HECW1: variants seen among roughly 807,000 people sequenced by gnomAD.
The protein encoded by HECW1 is E3 ubiquitin-protein ligase HECW1.
Under a neutral mutation model 182.3 loss-of-function variants are expected in HECW1, and 61 were observed. The observed-to-expected ratio is 0.33, with a 90% CI of 0.27 to 0.41. The LOEUF is 0.41. HECW1 is among the 10% of genes least tolerant of loss of function. The probability of loss-of-function intolerance (pLI) is 1.00; values close to 1 mark genes in which losing one functional copy is unlikely to be tolerated. For synonymous variants in HECW1, 859 were observed against 832.6 expected (o/e 1.03, Z -0.55); for missense variants, 1,739 against 2,108.9 (o/e 0.82, Z 3.44).
chr7:43,314,294 G>A (rs1295573599), intron 4 of HECW1, among the ~76,000 whole-genome samples: 2 of 152,232 alleles, frequency 1.3e-5, no homozygotes, highest in African/African-American at 2.4e-5. Flanking sequence ...GTGAATGAAT[G>A]AATGGTTCTG....
intron 3 of HECW1, among the ~76,000 whole-genome samples, chr7:43,267,097 AG>A (rs1351537652): frequency 6.6e-6 from 1 of 152,212 alleles, no homozygotes; most frequent in African/African-American, 2.4e-5. Flanking sequence ...CACATAAAAA[AG>A]ATAAATAATA....
At chr7:43,400,412 A>G (rs1350637146) in intron 7 of HECW1, among the ~76,000 whole-genome samples, 1 of 152,216 alleles carries the variant, frequency 6.6e-6, no homozygotes, top group Non-Finnish European at 1.5e-5. Flanking sequence ...CTAAAGATGG[A>G]CAAACGCCGG....
chr7:43,167,674 G>A (rs774466652), intron 2 of HECW1, among the ~76,000 whole-genome samples: 13 of 152,282 alleles, frequency 8.5e-5, no homozygotes, highest in South Asian at 2.1e-4. Context: ...GGATTGTGGC[G>A]TAAAAGCCAA....
chr7:43,205,276 T>C (rs1011095313), intron 2 of HECW1, among the ~76,000 whole-genome samples: 2 of 152,024 alleles, frequency 1.3e-5, no homozygotes, highest in African/African-American at 4.8e-5. Context: ...GTAGAGGTGG[T>C]GTTTCACTAT....
At chr7:43,198,794 G>GCA (rs944130695) in intron 2 of HECW1, among the ~76,000 whole-genome samples, 1 of 151,740 alleles carries the variant, frequency 6.6e-6, no homozygotes, top group African/African-American at 2.4e-5. Context: ...ACACTCACGT[G>GCA]CACACACACA....
At chr7:43,188,919 G>A (rs1793651399) in intron 2 of HECW1, among the ~76,000 whole-genome samples, 1 of 152,162 alleles carries the variant, frequency 6.6e-6, no homozygotes, top group African/African-American at 2.4e-5. Context: ...TACAATTATA[G>A]GACTGGTTCT....
At chr7:43,133,591 G>A (rs1280876106) in intron 2 of HECW1, among the ~76,000 whole-genome samples, 1 of 151,442 alleles carries the variant, frequency 6.6e-6, no homozygotes, top group African/African-American at 2.4e-5. Context: ...TCCTTTTGTT[G>A]TTGTTTTTAC....
intron 8 of HECW1, among the ~76,000 whole-genome samples, chr7:43,433,523 G>A (rs187936378): frequency 1.0e-3 from 157 of 152,324 alleles, no homozygotes; most frequent in African/African-American, 3.3e-3. Context: ...CAACATCTGC[G>A]CTTAAACAAA....
At chr7:43,347,869 C>A (rs1229673620) in intron 5 of HECW1, among the ~76,000 whole-genome samples, 1 of 151,914 alleles carries the variant, frequency 6.6e-6, no homozygotes, top group African/African-American at 2.4e-5. Context: ...CTTATAAAAC[C>A]CATTTGATCA....
rs1308383517 is a variant in HECW1 at position 43,445,415 on chromosome 7, C to G, written c.2243C>G (p.Ser748Trp). ...GAGGAGGAGAACAGCGCGTTCGAGT[C>G]GGTACCCGACTCCATGCAGAGCCCT... The part of the protein sequence containing the change: ...DEEEENSAFE[S>W]VPDSMQSPEL... The change falls in exon 11 of 30, where the codon TCG becomes TGG. Residue 748 changes from serine (S) to tryptophan (W), a missense_variant. Transcript: ENST00000395891. The G allele has an allele frequency of 1.2e-6, 2 of 1,613,446 alleles. No individual in the cohort carries two copies. The highest frequency in any genetic ancestry group is 8.5e-7 in the Non-Finnish European group (1 of 1,179,982).
chr7:43,126,868 C>T (rs1786303408), intron 2 of HECW1, among the ~76,000 whole-genome samples: 1 of 152,222 alleles, frequency 6.6e-6, no homozygotes, highest in East Asian at 1.9e-4. Flanking sequence ...ACACATATAA[C>T]ATGGCGAACT....
chr7:43,435,931 G>A (rs1004782088), intron 8 of HECW1, among the ~76,000 whole-genome samples: 4 of 152,158 alleles, frequency 2.6e-5, no homozygotes, highest in East Asian at 3.9e-4. Context: ...TTGGGAGGCC[G>A]AGGCAGGCGG....
chr7:43,403,475 C>T (rs186911399), intron 7 of HECW1, among the ~76,000 whole-genome samples: 2 of 152,144 alleles, frequency 1.3e-5, no homozygotes, highest in African/African-American at 4.8e-5. Context: ...GGTGATCAAC[C>T]TTTGATCCCC....
At chr7:43,548,379 C>A (rs2081655116) in intron 26 of HECW1, among the ~76,000 whole-genome samples, 1 of 151,906 alleles carries the variant, frequency 6.6e-6, no homozygotes, top group Non-Finnish European at 1.5e-5. Flanking sequence ...ACGAGTGGAC[C>A]CATGCAGTCC....
intron 2 of HECW1, among the ~76,000 whole-genome samples, chr7:43,184,949 C>T (rs1583865269): frequency 6.6e-6 from 1 of 152,100 alleles, no homozygotes; most frequent in East Asian, 1.9e-4. Context: ...CAGGAGAATT[C>T]ACTCACTATA....
intron 2 of HECW1, among the ~76,000 whole-genome samples, chr7:43,139,598 T>C (rs1340124614): frequency 6.6e-6 from 1 of 152,202 alleles, no homozygotes; most frequent in Non-Finnish European, 1.5e-5. Flanking sequence ...TTTTAATTGG[T>C]GTTCTTTTTG....
intron 2 of HECW1, among the ~76,000 whole-genome samples, chr7:43,129,390 AT>A (rs1786652032): frequency 1.3e-5 from 2 of 152,304 alleles, no homozygotes; most frequent in South Asian, 4.1e-4. Context: ...CAGATAGATA[AT>A]TGTTTGCATT....
At chr7:43,409,417 G>A (rs1307244660) in intron 8 of HECW1, among the ~76,000 whole-genome samples, 1 of 152,232 alleles carries the variant, frequency 6.6e-6, no homozygotes, top group Non-Finnish European at 1.5e-5. Flanking sequence ...CTCTTCTGAA[G>A]GACTTTAGAG....
At chr7:43,317,450 G>T (rs1809466836) in intron 4 of HECW1, among the ~76,000 whole-genome samples, 1 of 152,244 alleles carries the variant, frequency 6.6e-6, no homozygotes, top group Non-Finnish European at 1.5e-5. Flanking sequence ...CAGTTATCCT[G>T]ATTCCAGAGG....
Sources: gnomAD v4.1 joint callset for allele counts (sites outside exome capture counted in the v4.1 genomes callset) on GRCh38, gnomAD v4.1.1 for gene constraint, MANE v1.5 for transcripts, NCBI Gene and HGNC (gene_info 2026-07-23, HGNC 2026-07-21) for gene names.